Variants in CYB5R3 observed in about 807,000 individuals in gnomAD.
CYB5R3 encodes the protein cytochrome b5 reductase 3.
CYB5R3 carries 28 observed loss-of-function variants against 36.5 expected under a neutral mutation model. The observed-to-expected ratio is 0.77, with a 90% CI of 0.57 to 1.05. The LOEUF (loss-of-function observed/expected upper bound fraction) is 1.05. Ranked by LOEUF, CYB5R3 falls within the 50% of genes least tolerant of loss-of-function variation. The pLI is 0.00. For synonymous variants in CYB5R3, 181 were observed against 159.8 expected (o/e 1.13, Z -1.00); for missense variants, 474 against 408.9 (o/e 1.16, Z -1.37).
chr22:42,622,732 A>C (rs980596737), intron 8 of CYB5R3, among the ~76,000 whole-genome samples: 2 of 152,222 alleles, frequency 1.3e-5, no homozygotes, highest in African/African-American at 4.8e-5. Context: ...TCATCAGTAG[A>C]GGGCATGCAC....
At chr22:42,628,638 G>GC (rs1928438693) in intron 4 of CYB5R3, among the ~76,000 whole-genome samples, 1 of 152,172 alleles carries the variant, frequency 6.6e-6, no homozygotes, top group Non-Finnish European at 1.5e-5. Context: ...GCTCTGGGAG[G>GC]CCCACTAAGC....
At chr22:42,642,878 A>G (rs1462085994) in intron 1 of CYB5R3, among the ~76,000 whole-genome samples, 1 of 152,164 alleles carries the variant, frequency 6.6e-6, no homozygotes, top group Non-Finnish European at 1.5e-5. Flanking sequence ...CACCCTCCCC[A>G]TATACCTCCC....
chr22:42,625,511 AT>A (rs567346639), intron 7 of CYB5R3, among the ~76,000 whole-genome samples: 2 of 152,062 alleles, frequency 1.3e-5, no homozygotes, highest in African/African-American at 4.8e-5. Flanking sequence ...TTCCGTCTCA[AT>A]TTTTTTAAAA....
At chr22:42,627,270 G>A (rs765270270) in intron 7 of CYB5R3, 34 bp downstream of exon 7, 2 of 1,588,220 alleles carry the variant, frequency 1.3e-6, no homozygotes, top group Non-Finnish European at 8.6e-7. Context: ...CTCAGGGTAA[G>A]CTGAGTTTCC....
chr22:42,623,588 C>T (rs990367124), intron 8 of CYB5R3, among the ~76,000 whole-genome samples: 2 of 152,184 alleles, frequency 1.3e-5, no homozygotes, highest in Non-Finnish European at 2.9e-5. Context: ...GGTTTCAGGC[C>T]GGGCTGTGGT....
chr22:42,646,810 G>A, intron 1 of CYB5R3: 1 of 986,108 alleles, frequency 1.0e-6, no homozygotes, highest in Non-Finnish European at 1.2e-6. Context: ...GGAACAGGTG[G>A]ACACAGAGCT....
chr22:42,631,828 A>G, intron 2 of CYB5R3: 1 of 303,684 alleles, frequency 3.3e-6, no homozygotes, highest in Non-Finnish European at 6.4e-6. Context: ...TGAGGGCTGG[A>G]TGGGCAAACT....
At chr22:42,637,195 G>T (rs1440057599) in intron 1 of CYB5R3, among the ~76,000 whole-genome samples, 1 of 152,168 alleles carries the variant, frequency 6.6e-6, no homozygotes, top group Non-Finnish European at 1.5e-5. Context: ...AATTAATCTT[G>T]AGCATAATGT....
At chr22:42,647,430 G>A (rs1929585287) in intron 1 of CYB5R3, among the ~76,000 whole-genome samples, 2 of 152,192 alleles carry the variant, frequency 1.3e-5, no homozygotes, top group Admixed American at 6.5e-5. Context: ...GGGCAACATA[G>A]CAAGACATTG....
At chr22:42,633,731 C>T (rs1029638386) in intron 2 of CYB5R3, among the ~76,000 whole-genome samples, 3 of 152,038 alleles carry the variant, frequency 2.0e-5, no homozygotes, top group Non-Finnish European at 4.4e-5. Context: ...TGCGGTGAGT[C>T]GAGATTGTGC....
At chr22:42,643,852 G>A (rs1929406991) in intron 1 of CYB5R3, among the ~76,000 whole-genome samples, 1 of 152,192 alleles carries the variant, frequency 6.6e-6, no homozygotes, top group Non-Finnish European at 1.5e-5. Context: ...AGGATGGGGA[G>A]GGTGGGGAGG....
At chr22:42,631,198 G>A (rs1928597981) in intron 3 of CYB5R3, 180 bp downstream of exon 3, 4 of 756,168 alleles carry the variant, frequency 5.3e-6, no homozygotes, top group African/African-American at 1.7e-5. Flanking sequence ...CACTGCCAGG[G>A]ACTCTGGGCC....
chr22:42,643,622 G>T (rs1698718184), intron 1 of CYB5R3, among the ~76,000 whole-genome samples: 1 of 152,128 alleles, frequency 6.6e-6, no homozygotes, highest in South Asian at 2.1e-4. Context: ...CTAAAGGAAG[G>T]GCTGTGGATG....
rs564860234 is a variant in CYB5R3 at position 42,625,866 on chromosome 22, G to A, written c.633+1438C>T. On this transcript the variant is annotated intron_variant, in intron 7 of 8. Coordinates refer to ENST00000352397, the MANE Select transcript of CYB5R3 (RefSeq NM_000398.7). ...TTTCACTCTTCCTCTCTCAGTAGAT[G>A]GGGCCACTTTCCAGAGGCTGCGTGA... Among the ~76,000 whole-genome samples, 8 of 152,274 alleles carry A rather than the reference G, an allele frequency of 5.3e-5. No homozygotes were observed. The South Asian group carries it at 1.7e-3, about 32-fold the overall frequency.
chr22:42,639,167 CA>C, intron 1 of CYB5R3: 1 of 313,444 alleles, frequency 3.2e-6, no homozygotes, highest in Non-Finnish European at 6.3e-6. Context: ...CCGTCTCTAC[CA>C]AAAATACAAA....
intron 7 of CYB5R3, among the ~76,000 whole-genome samples, chr22:42,624,496 G>A (rs1412744876): frequency 7.3e-6 from 1 of 136,444 alleles, no homozygotes; most frequent in African/African-American, 2.8e-5. Context: ...CTGTCACAGA[G>A]CCCTACAGAA....
rs538707887 is a variant in CYB5R3, at chr22:42,640,850, A to AT, written c.22-4005dup. On this transcript the variant is annotated intron_variant, in intron 1 of 8. Coordinates refer to ENST00000352397, the MANE Select transcript of CYB5R3 (RefSeq NM_000398.7). ...GTAAATATGTTTTCTCTTCCTTATG[A>AT]TTTTTTTTTCTCTTTATTTATTTTT... 1.5e-4 allele frequency among the ~76,000 whole-genome samples: 23 copies of AT among 150,862 alleles called. No homozygotes were observed. In the South Asian group the frequency reaches 2.7e-3, roughly 18 times the overall value.
At chr22:42,631,023 A>G (rs779759835) in intron 3 of CYB5R3, 35 bp from the exon 4 acceptor site, 21 of 1,581,334 alleles carry the variant, frequency 1.3e-5, no homozygotes, top group South Asian at 1.2e-4. Context: ...TGGGCCAGAG[A>G]TCATCCTGCG....
intron 8 of CYB5R3, among the ~76,000 whole-genome samples, chr22:42,621,973 G>T (rs1322534915): frequency 6.6e-6 from 1 of 152,246 alleles, no homozygotes; most frequent in Non-Finnish European, 1.5e-5. Context: ...CGCCAGGCTG[G>T]AGTGCAGTGG....
Sources: gnomAD v4.1 joint callset for allele counts (sites outside exome capture counted in the v4.1 genomes callset) on GRCh38, gnomAD v4.1.1 for gene constraint, MANE v1.5 for transcripts, NCBI Gene and HGNC (gene_info 2026-07-23, HGNC 2026-07-21) for gene names.